Variants in CCDC197 observed in about 807,000 individuals in gnomAD.
CCDC197 encodes coiled-coil domain containing 197, also known as uncharacterized protein CCDC197.
A neutral mutation model predicts 13.4 loss-of-function variants in CCDC197; 24 were observed. The observed-to-expected ratio is 1.80, with a 90% CI of 1.30 to 2.53. The LOEUF (loss-of-function observed/expected upper bound fraction) is 2.53. CCDC197 is among the 30% of genes most tolerant of loss of function. CCDC197 has a pLI of 0.00. For missense variants in CCDC197, 255 were observed against 148.8 expected (o/e 1.71, Z -3.71); for synonymous variants, 99 against 55.5 (o/e 1.78, Z -3.48).
Position 94,001,176 on chromosome 14 carries a change from G to A in CCDC197, c.219G>A (p.Val73=), listed in dbSNP as rs543187707. ...GCTGWEEPEE[V]LVEATVKHYG... ...CGGGATGGGAGGAGCCGGAGGAGGT[G>A]CTGGTGGAGGCCACGGTGAAGCACT... is the stretch of plus-strand genomic sequence containing the variant. Residue 73 remains valine, a synonymous_variant, in exon 4 of 7, where the codon GTG becomes GTA. Coordinates refer to ENST00000636493, the MANE Select transcript of CCDC197 (RefSeq NM_001351596.2). 45 of 780,568 alleles carry A rather than the reference G, an allele frequency of 5.8e-5. No individual in the cohort carries two copies. Among genetic ancestry groups the A allele is most frequent in the African/African-American group, 5.4e-4 (32 of 59,270 alleles). 48.4% of individuals were successfully genotyped at this position (780,568 alleles called of 1,614,324 possible).
chr14:94,001,288 G>T lies in CCDC197; in HGVS notation c.331G>T (p.Glu111Ter). Residue 111 changes from glutamate to a stop codon, truncating the protein, a stop_gained, in exon 4 of 7, where the codon GAG becomes TAG. Transcript: ENST00000636493. LOFTEE classifies it high-confidence loss of function. ...QMIQAVHRSLESLEEDHRALM... is the reference protein window; with the variant it reads ...QMIQAVHRSL ...GATCCAGGCTGTCCACCGGAGCCTGGAGTCTCTGGAGGAGGACCACAGGGC... is the reference window on the plus strand; with the variant it reads ...GATCCAGGCTGTCCACCGGAGCCTGTAGTCTCTGGAGGAGGACCACAGGGC... The T allele has an allele frequency of 1.3e-6, 1 of 780,348 alleles. No homozygotes were observed. The highest frequency in any genetic ancestry group is 2.4e-6 in the Non-Finnish European group (1 of 417,796). The allele number at this position is 780,348 out of a possible 1,614,324, so 48.3% of individuals were successfully genotyped here. A position where few individuals can be genotyped will look rare whatever the true frequency, so the allele number is the denominator to read the frequency against.
rs1376210973 is a variant in CCDC197 at position 94,004,890 on chromosome 14, C to G, written c.534C>G (p.Thr178=). ...QLLGYMQMTI[T]NMARQCCPSA... is the part of the protein sequence containing the mutation. The stretch of plus-strand genomic sequence containing the variant: ...TCGGCTACATGCAAATGACCATCAC[C>G]AACATGGCCCGGCAGTGCTGCCCCT... Residue 178 remains threonine, a synonymous_variant, in exon 6 of 7, where the codon ACC becomes ACG. Coordinates refer to ENST00000636493, the MANE Select transcript of CCDC197 (RefSeq NM_001351596.2). 11 of 702,938 alleles carry G rather than the reference C, an allele frequency of 1.6e-5. No homozygotes were observed. Among genetic ancestry groups the G allele is most frequent in the Non-Finnish European group, 2.6e-5 (10 of 385,010 alleles). The allele number at this position is 702,938 out of a possible 1,614,324, so 43.5% of individuals were successfully genotyped here.
At position 94,003,016 on chromosome 14, in the gene CCDC197, T is replaced by C. The variant is rs955035484; in HGVS notation, c.367-207T>C. Among the ~76,000 whole-genome samples the C allele has an allele frequency of 6.6e-6, 1 of 152,048 alleles. No homozygotes were observed. Among genetic ancestry groups the C allele is most frequent in the African/African-American group, 2.4e-5 (1 of 41,388 alleles). On this transcript the variant is annotated intron_variant, in intron 4 of 6. Transcript: ENST00000636493. The surrounding 1 kb of genome is among the most constrained non-coding windows in gnomAD (Gnocchi z 5.0). ...ACTTGTGTAGGGGAACTCCCCTTTA[T>C]AAAATTATCAGGAACTGGGGCTCAG...
chr14:93,992,101 C>A lies in CCDC197; in HGVS notation c.-107+4705C>A, dbSNP rs1391868427. Among the ~76,000 whole-genome samples, 3 of 152,222 alleles carry A rather than the reference C, an allele frequency of 2.0e-5. No homozygotes were observed. The East Asian group carries it at 5.8e-4, about 29-fold the overall frequency. On this transcript the variant is annotated intron_variant, in intron 1 of 7. Transcript: ENST00000640978. ...TTGACACCACAGAAACTGATGAATG[C>A]CATACATCTTGGCTTTTCTCCCATT...
At chr14:93,994,035 TG>T (rs35333141), upstream of CCDC197, among the ~76,000 whole-genome samples, 10,078 of 151,844 alleles carry the variant, frequency 0.066, 441 homozygotes, top group Middle Eastern at 0.13. Context: ...TGAGTGAGGC[TG>T]GGGAAGGGGG....
downstream of CCDC197, among the ~76,000 whole-genome samples, chr14:94,011,257 G>A (rs940153421): frequency 6.6e-6 from 1 of 152,206 alleles, no homozygotes; most frequent in African/African-American, 2.4e-5. Flanking sequence ...CTTGTTGACT[G>A]TGCCTTCGAG....
At chr14:94,001,635 G>A (rs1890513790) in intron 4 of CCDC197, 1 of 257,750 alleles carries the variant, frequency 3.9e-6, no homozygotes, top group Non-Finnish European at 7.4e-6. Context: ...TAGCCTCTCT[G>A]AGCCTCAGTT....
chr14:93,987,929 C>T (rs960868287), intron 1 of CCDC197, among the ~76,000 whole-genome samples: 2 of 46,918 alleles, frequency 4.3e-5, no homozygotes, highest in East Asian at 5.1e-4. Flanking sequence ...GAGGACAGCG[C>T]GGGAGGGAGG....
chr14:94,009,741 G>A (rs528787954), downstream of CCDC197, among the ~76,000 whole-genome samples: 1 of 152,132 alleles, frequency 6.6e-6, no homozygotes, highest in Non-Finnish European at 1.5e-5. Context: ...AAAAAAACAG[G>A]GGTGGTGGTG....
At chr14:93,993,975 T>C (rs1450056237), upstream of CCDC197, among the ~76,000 whole-genome samples, 3 of 152,102 alleles carry the variant, frequency 2.0e-5, no homozygotes, top group South Asian at 2.1e-4. Context: ...TCACCCTCCA[T>C]GTAAGTGCTT....
intron 1 of CCDC197, among the ~76,000 whole-genome samples, chr14:93,989,449 T>C (rs1890168623): frequency 6.6e-6 from 1 of 152,130 alleles, no homozygotes; most frequent in Non-Finnish European, 1.5e-5. Flanking sequence ...AGCGTGGTGC[T>C]CCTATACATG....
At chr14:94,007,035 A>G (rs112072756) in intron 6 of CCDC197, 13,840 of 152,106 alleles carry the variant, frequency 0.091, 654 homozygotes, top group Middle Eastern at 0.15. Context: ...CAAGTTGGCC[A>G]GGCTGGTCTT....
chr14:94,002,875 A>G (rs948852879), intron 4 of CCDC197, among the ~76,000 whole-genome samples: 1 of 150,398 alleles, frequency 6.6e-6, no homozygotes, highest in East Asian at 1.9e-4. Flanking sequence ...AAACAAAATT[A>G]TAAAGAAAAA....
intron 1 of CCDC197, among the ~76,000 whole-genome samples, chr14:93,989,234 G>A (rs1890165547): frequency 1.3e-5 from 2 of 152,120 alleles, no homozygotes; most frequent in East Asian, 1.9e-4. Flanking sequence ...AAAATGGCCA[G>A]CCATCCCTTT....
chr14:94,008,985 TTGGCAGGG>T (rs1890764134), downstream of CCDC197: 4 of 551,766 alleles, frequency 7.2e-6, no homozygotes, highest in Non-Finnish European at 1.3e-5. Context: ...TCCTGGGGGA[TTGGCAGGG>T]ATCCAGGTAA....
downstream of CCDC197, among the ~76,000 whole-genome samples, chr14:94,010,889 T>A (rs1411635414): frequency 2.0e-5 from 3 of 152,210 alleles, no homozygotes; most frequent in Non-Finnish European, 2.9e-5. Flanking sequence ...ATTAAGCTGG[T>A]GGCTCTCAGG....
chr14:93,995,216 C>G (rs1890259202), upstream of CCDC197, among the ~76,000 whole-genome samples: 1 of 152,184 alleles, frequency 6.6e-6, no homozygotes, highest in African/African-American at 2.4e-5. Context: ...GATGATGAAG[C>G]TGCCTCCTCC....
At chr14:94,004,709 G>A in intron 5 of CCDC197, 146 bp from the exon 6 acceptor site, 1 of 575,232 alleles carries the variant, frequency 1.7e-6, no homozygotes, top group Non-Finnish European at 3.1e-6. Context: ...AGCCCCGCAG[G>A]AGAGGAATAT....
In CCDC197 at chr14:94,001,189, A is replaced by G. The variant is rs147307417; in HGVS notation, c.232A>G (p.Thr78Ala). ...GCCGGAGGAGGTGCTGGTGGAGGCC[A>G]CGGTGAAGCACTACGGGAAGCTCTT... is the stretch of plus-strand genomic sequence containing the variant. ...EEPEEVLVEA[T>A]VKHYGKLFTA... Residue 78 changes from threonine (T) to alanine (A), a missense_variant, in exon 4 of 7, where the codon ACG becomes GCG. Physicochemically the swap from Thr to Ala is moderately conservative, Grantham distance 58 (BLOSUM62 0). Coordinates refer to ENST00000636493, the MANE Select transcript of CCDC197 (RefSeq NM_001351596.2). 13 of 780,678 alleles carry G rather than the reference A, an allele frequency of 1.7e-5. No homozygotes were observed. The highest frequency in any genetic ancestry group is 2.9e-5 in the Non-Finnish European group (12 of 417,942). 48.4% of individuals were successfully genotyped at this position (780,678 alleles called of 1,614,324 possible). A position where few individuals can be genotyped will look rare whatever the true frequency, so the allele number is the denominator to read the frequency against.
Sources: allele counts gnomAD v4.1 joint callset (sites outside exome capture counted in the v4.1 genomes callset), GRCh38; gene constraint gnomAD v4.1.1; non-coding constraint Gnocchi (gnomAD v3.1); transcripts MANE v1.5; gene names NCBI Gene and HGNC (gene_info 2026-07-23, HGNC 2026-07-21).